APLF: variants seen among roughly 807,000 people sequenced by gnomAD.
APLF encodes aprataxin and PNKP like factor.
Under a neutral mutation model 55.6 loss-of-function variants are expected in APLF, and 61 were observed. The observed-to-expected ratio is 1.10, with a 90% CI of 0.89 to 1.36. The LOEUF (loss-of-function observed/expected upper bound fraction) is 1.36. Among genes scored for constraint, APLF ranks in the 40% most tolerant of loss-of-function variants. The pLI, the probability that APLF is intolerant of heterozygous loss-of-function variation, is 0.00. For missense variants in APLF, 611 were observed against 602.5 expected (o/e 1.01, Z -0.15); for synonymous variants, 207 against 214.8 (o/e 0.96, Z 0.32).
intron 6 of APLF, chr2:68,528,607 C>A (rs1483768517): frequency 2.0e-6 from 3 of 1,533,736 alleles, no homozygotes; most frequent in African/African-American, 1.4e-5. Flanking sequence ...GAGAGCTGGG[C>A]AGGTGGTCTT....
intron 8 of APLF, among the ~76,000 whole-genome samples, chr2:68,555,896 T>A (rs1670994366): frequency 6.6e-6 from 1 of 152,180 alleles, no homozygotes; most frequent in South Asian, 2.1e-4. Flanking sequence ...AAAAGATACT[T>A]GCACACGCAT....
intron 6 of APLF, among the ~76,000 whole-genome samples, chr2:68,532,712 C>T (rs1051820856): frequency 1.1e-4 from 17 of 152,132 alleles, no homozygotes; most frequent in African/African-American, 4.1e-4. Flanking sequence ...CAACTCCTTC[C>T]CAGTTATGTG....
At chr2:68,537,556 G>C (rs1670427512) in intron 6 of APLF, among the ~76,000 whole-genome samples, 1 of 151,990 alleles carries the variant, frequency 6.6e-6, no homozygotes, top group Non-Finnish European at 1.5e-5. Flanking sequence ...TTTTAGTAAA[G>C]ACGGGGTTTC....
At chr2:68,479,318 A>C (rs934698846) in intron 1 of APLF, among the ~76,000 whole-genome samples, 2 of 152,210 alleles carry the variant, frequency 1.3e-5, no homozygotes, top group South Asian at 4.1e-4. Flanking sequence ...TGAAGCAGTA[A>C]ATTCCTGCTG....
At chr2:68,572,913 A>G (rs892736356) in intron 9 of APLF, among the ~76,000 whole-genome samples, 1 of 152,206 alleles carries the variant, frequency 6.6e-6, no homozygotes, top group Non-Finnish European at 1.5e-5. Context: ...TTCTTCTGGC[A>G]TGTATGTCAC....
intron 3 of APLF, among the ~76,000 whole-genome samples, chr2:68,512,318 C>G (rs1669406265): frequency 1.3e-5 from 2 of 151,820 alleles, no homozygotes; most frequent in South Asian, 4.1e-4. Flanking sequence ...TTGTGTCTGG[C>G]TTCTTTCACT....
chr2:68,532,997 A>G (rs542748349), intron 6 of APLF, among the ~76,000 whole-genome samples: 1 of 152,334 alleles, frequency 6.6e-6, no homozygotes, highest in African/African-American at 2.4e-5. Context: ...AGGCTGAAGC[A>G]GGAGGACTGC....
intron 9 of APLF, chr2:68,568,237 G>A (rs543202126): frequency 2.0e-6 from 2 of 982,960 alleles, no homozygotes; most frequent in East Asian, 1.1e-4. Flanking sequence ...ATAATACAGA[G>A]GCTGATTCAG....
chr2:68,504,001 A>G (rs1676800365), intron 3 of APLF, among the ~76,000 whole-genome samples: 1 of 152,034 alleles, frequency 6.6e-6, no homozygotes. Flanking sequence ...ACAGTAGAAG[A>G]GGGGATATCA....
intron 8 of APLF, among the ~76,000 whole-genome samples, chr2:68,566,087 T>C (rs1471128928): frequency 6.6e-6 from 1 of 152,082 alleles, no homozygotes; most frequent in Non-Finnish European, 1.5e-5. Flanking sequence ...TTCCTGAGAC[T>C]GGCCATTTTT....
rs1205590096 is a variant in APLF at position 68,519,011 on chromosome 2, TATA to T, written c.622+5338_622+5340del. ...AATATCTGATAATATATTATTAATA[TATA>T]ATAATATATAATATATGATTAATAT... On this transcript the variant is annotated intron_variant, in intron 5 of 9. Coordinates refer to ENST00000303795, the MANE Select transcript of APLF (RefSeq NM_173545.3). 6.4e-4 allele frequency among the ~76,000 whole-genome samples: 79 copies of T among 123,928 alleles called. No homozygotes were observed. The South Asian group carries it at 0.012, about 19-fold the overall frequency. The allele number at this position is 123,928 out of a possible 152,430, so 81.3% of individuals were successfully genotyped here. A position where few individuals can be genotyped will look rare whatever the true frequency, so the allele number is the denominator to read the frequency against.
intron 1 of APLF, among the ~76,000 whole-genome samples, chr2:68,472,978 G>C (rs1277162226): frequency 6.6e-6 from 1 of 152,076 alleles, no homozygotes; most frequent in Non-Finnish European, 1.5e-5. Flanking sequence ...ATTCTACACA[G>C]TATGGTATGT....
intron 5 of APLF, among the ~76,000 whole-genome samples, chr2:68,524,916 A>G (rs574994954): frequency 8.5e-5 from 13 of 152,224 alleles, no homozygotes; most frequent in Non-Finnish European, 1.6e-4. Context: ...TAGGTTTGCC[A>G]ACTGCATTAA....
chr2:68,540,128 A>G (rs1168859882), intron 7 of APLF, among the ~76,000 whole-genome samples: 3 of 152,048 alleles, frequency 2.0e-5, no homozygotes, highest in Admixed American at 6.6e-5. Flanking sequence ...CCCCACATGC[A>G]TTAGGTATTT....
At chr2:68,533,213 G>C (rs535534820) in intron 6 of APLF, among the ~76,000 whole-genome samples, 200 of 152,252 alleles carry the variant, frequency 1.3e-3, no homozygotes, top group African/African-American at 4.5e-3. Context: ...CTGGTGCCTT[G>C]ATCTTGGACT....
At chr2:68,495,839 G>C (rs984537833) in intron 2 of APLF, among the ~76,000 whole-genome samples, 3 of 152,196 alleles carry the variant, frequency 2.0e-5, no homozygotes, top group African/African-American at 7.2e-5. Flanking sequence ...AGCTGTCAAG[G>C]CTTATGGCTT....
In APLF at chr2:68,545,220, T is replaced by C. The variant is rs1573245587; in HGVS notation, c.1194T>C (p.His398=). The stretch of plus-strand genomic sequence containing the variant: ...CTGTTCATTTTCAACATTTTAGCCA[T>C]CCTGGTGATAGTGATTATGGAGGTG... The part of the protein sequence containing the change: ...KNPVHFQHFS[H]PGDSDYGGVQ... Residue 398 remains histidine (H), a synonymous_variant, in exon 8 of 10, where the codon CAT becomes CAC. Coordinates refer to ENST00000303795, the MANE Select transcript of APLF (RefSeq NM_173545.3). 1 of 1,613,824 alleles carries C rather than the reference T, an allele frequency of 6.2e-7. No homozygotes were observed. The highest frequency in any genetic ancestry group is 8.5e-7 in the Non-Finnish European group (1 of 1,179,808).
intron 1 of APLF, among the ~76,000 whole-genome samples, chr2:68,479,701 A>G (rs1370414323): frequency 6.6e-6 from 1 of 152,226 alleles, no homozygotes; most frequent in Non-Finnish European, 1.5e-5. Flanking sequence ...GGAACTGTAT[A>G]AAAACTTTTT....
Position 68,526,049 on chromosome 2 carries a change from T to C in APLF, c.623-12T>C, listed in dbSNP as rs1427019660. 1.3e-6 allele frequency: 2 copies of C among 1,584,144 alleles called. No homozygotes were observed. Among genetic ancestry groups the C allele is most frequent in the East Asian group, 4.5e-5 (2 of 44,642 alleles). ...AGAAGATAATTTTCTTCTTTTTCTT[T>C]ATGTGTTTAAGGTAATGTAATCCAG... is the stretch of plus-strand genomic sequence containing the variant. On this transcript the variant is annotated splice_polypyrimidine_tract_variant and intron_variant, in intron 5 of 9. Transcript: ENST00000303795.
Sources: gnomAD v4.1 joint callset for allele counts (sites outside exome capture counted in the v4.1 genomes callset) on GRCh38, gnomAD v4.1.1 for gene constraint, MANE v1.5 for transcripts, NCBI Gene and HGNC (gene_info 2026-07-23, HGNC 2026-07-21) for gene names.